TTC34: variants seen among roughly 807,000 people sequenced by gnomAD.
TTC34 encodes the protein tetratricopeptide repeat protein 34.
Under a neutral mutation model 40.7 loss-of-function variants are expected in TTC34, and 44 were observed. The observed-to-expected ratio is 1.08, with a 90% CI of 0.85 to 1.39. TTC34 has a LOEUF of 1.39. Among genes scored for constraint, TTC34 ranks in the 40% most tolerant of loss-of-function variants. TTC34 has a pLI of 0.00. For synonymous variants in TTC34, 422 were observed against 398.6 expected (o/e 1.06, Z -0.70); for missense variants, 884 against 838.0 (o/e 1.05, Z -0.68).
intron 6 of TTC34, among the ~76,000 whole-genome samples, chr1:2,777,341 G>A (rs1479550518): frequency 6.7e-6 from 1 of 149,918 alleles, no homozygotes; most frequent in African/African-American, 2.5e-5. Context: ...CACCTCCAGG[G>A]GGAGCATCTG....
chr1:2,641,709 C>T, exon 9 of TTC34: 1 of 1,535,536 alleles, frequency 6.5e-7, no homozygotes, highest in African/African-American at 1.4e-5. Context: ...TCCCCCAGCG[C>T]CTCCTGGAGC....
chr1:2,750,602 A>G (rs1336134035), intron 6 of TTC34, among the ~76,000 whole-genome samples: 1 of 6,006 alleles, frequency 1.7e-4, no homozygotes, highest in Non-Finnish European at 3.7e-4. Context: ...GCAGCACCCC[A>G]CACCCACAGG....
intron 6 of TTC34, among the ~76,000 whole-genome samples, chr1:2,681,688 T>C (rs1187178709): frequency 4.3e-4 from 37 of 86,236 alleles, no homozygotes; most frequent in Non-Finnish European, 7.5e-4. Context: ...TTTGACAGCC[T>C]GGAACAGCAC....
intron 6 of TTC34, among the ~76,000 whole-genome samples, chr1:2,661,788 A>AC (rs1639559846): frequency 4.0e-5 from 1 of 25,262 alleles, no homozygotes; most frequent in African/African-American, 9.6e-5. Flanking sequence ...CTGGAGCAGC[A>AC]CCCACACCCC....
chr1:2,638,897 A>G (rs1435701685), exon 9 of TTC34: 1 of 152,246 alleles, frequency 6.6e-6, no homozygotes, highest in Non-Finnish European at 1.5e-5. Context: ...AATAGCAGAG[A>G]CAGGTGGTTC....
intron 6 of TTC34, among the ~76,000 whole-genome samples, chr1:2,758,109 C>T (rs1641566706): frequency 8.0e-5 from 11 of 136,936 alleles, no homozygotes; most frequent in Non-Finnish European, 1.2e-4. Context: ...GAACAGCACC[C>T]ACACACCCAG....
At chr1:2,683,146 C>T (rs1458607257) in intron 6 of TTC34, among the ~76,000 whole-genome samples, 3 of 136,844 alleles carry the variant, frequency 2.2e-5, no homozygotes, top group Non-Finnish European at 3.2e-5. Context: ...GAACAGCACG[C>T]ACAGCCCCAG....
At chr1:2,788,282 TTGTGTGTTGTG>T (rs1643617269) in intron 3 of TTC34, among the ~76,000 whole-genome samples, 1 of 150,880 alleles carries the variant, frequency 6.6e-6, no homozygotes, top group Non-Finnish European at 1.5e-5. Context: ...TATGTACATG[TTGTGTGTTGTG>T]TGTGTGTTAT....
intron 6 of TTC34, among the ~76,000 whole-genome samples, chr1:2,688,343 T>A (rs867654884): frequency 0.036 from 4,230 of 117,290 alleles, no homozygotes; most frequent in East Asian, 0.13. Flanking sequence ...CAGGTGAGCA[T>A]CGGACAGCCT....
chr1:2,695,849 T>TCCGACAGCCTGGAGCAGAACCCACA, intron 6 of TTC34, among the ~76,000 whole-genome samples: 1 of 148,078 alleles, frequency 6.8e-6, no homozygotes. Flanking sequence ...CAGGTGAACA[T>TCCGACAGCCTGGAGCAGAACCCACA]CCGACAGCCT....
intron 6 of TTC34, among the ~76,000 whole-genome samples, chr1:2,647,745 A>C (rs1639049481): frequency 6.6e-6 from 1 of 152,222 alleles, no homozygotes; most frequent in South Asian, 2.1e-4. Context: ...GCCCTCCCAA[A>C]GTACTGGAAT....
At chr1:2,798,712 TCTCAGCCTCTCAGCCC>T (rs1403450889) in intron 2 of TTC34, among the ~76,000 whole-genome samples, 1 of 59,474 alleles carries the variant, frequency 1.7e-5, no homozygotes, top group African/African-American at 6.9e-5. Flanking sequence ...CGTCCCAGCC[TCTCAGCCTCTCAGCCC>T]CTCAGCCCCC....
chr1:2,639,378 A>T (rs1334108036), exon 9 of TTC34: 12 of 152,414 alleles, frequency 7.9e-5, no homozygotes, highest in African/African-American at 2.4e-4. Context: ...GGCGAGGAGG[A>T]CGGTAGGAGC....
chr1:2,786,830 G>A (rs917042035), intron 4 of TTC34, among the ~76,000 whole-genome samples: 3 of 152,168 alleles, frequency 2.0e-5, no homozygotes, highest in Non-Finnish European at 4.4e-5. Context: ...GTGGGCACAC[G>A]GGTTCCCCAA....
At chr1:2,651,326 C>A (rs1282229192) in intron 6 of TTC34, among the ~76,000 whole-genome samples, 1 of 152,114 alleles carries the variant, frequency 6.6e-6, no homozygotes. Context: ...GGCAGGTGAG[C>A]ATCTGACAGC....
chr1:2,683,342 C>A (rs1172359189), intron 6 of TTC34, among the ~76,000 whole-genome samples: 7 of 142,960 alleles, frequency 4.9e-5, no homozygotes, highest in Non-Finnish European at 7.7e-5. Context: ...ACTGGAACAC[C>A]ACCCTGCACC....
chr1:2,652,384 C>T (rs1279070752), intron 6 of TTC34, among the ~76,000 whole-genome samples: 620 of 145,404 alleles, frequency 4.3e-3, no homozygotes, highest in South Asian at 7.1e-3. Flanking sequence ...GAGCATCTGA[C>T]AGCCTGGAGC....
At chr1:2,654,689 T>TCCTGAACCAGCTCCCA (rs1639278028) in intron 6 of TTC34, among the ~76,000 whole-genome samples, 1 of 82,206 alleles carries the variant, frequency 1.2e-5, no homozygotes, top group African/African-American at 5.4e-5. Context: ...AATGGCATCC[T>TCCTGAACCAGCTCCCA]CACCTCCAGG....
intron 6 of TTC34, among the ~76,000 whole-genome samples, chr1:2,683,187 A>G: frequency 7.6e-6 from 1 of 130,860 alleles, no homozygotes; most frequent in Admixed American, 7.7e-5. Flanking sequence ...AGCGGAACCC[A>G]CGGCCACAGG....
Sources: allele counts gnomAD v4.1 joint callset (sites outside exome capture counted in the v4.1 genomes callset), GRCh38; gene constraint gnomAD v4.1.1; transcripts MANE v1.5; gene names NCBI Gene and HGNC (gene_info 2026-07-23, HGNC 2026-07-21).